Variants in IMMP2L observed in about 807,000 individuals in gnomAD.
The protein encoded by IMMP2L is inner mitochondrial membrane peptidase subunit 2.
A neutral mutation model predicts 19.3 loss-of-function variants in IMMP2L; 18 were observed. The ratio of observed to expected loss-of-function variants is 0.93; its 90% CI spans 0.64 to 1.38. The LOEUF is 1.38. IMMP2L is among the 40% of genes most tolerant of loss of function. IMMP2L has a pLI of 0.00. For missense variants in IMMP2L, 233 were observed against 218.2 expected (o/e 1.07, Z -0.43); for synonymous variants, 76 against 73.0 (o/e 1.04, Z -0.21).
In IMMP2L at chr7:111,539,188, GAAGGAGGGAGAAAGAAAGAA is replaced by G. The variant is rs1293678048; in HGVS notation, c.-2-17759_-2-17740del. Among the ~76,000 whole-genome samples, 619 of 69,016 alleles carry G rather than the reference GAAGGAGGGAGAAAGAAAGAA, an allele frequency of 9.0e-3. 50 individuals are homozygous for G. Among genetic ancestry groups the G allele is most frequent in the African/African-American group, 0.019 (267 of 14,198 alleles). The allele number at this position is 69,016 out of a possible 152,430, so 45.3% of individuals were successfully genotyped here. ...GGAAGGAAGGAAGGAAGGAAGGAAG[GAAGGAGGGAGAAAGAAAGAA>G]AGAAAGAAAGAAAGAAAGAAAGAAA... On this transcript the variant is annotated intron_variant, in intron 1 of 5. Transcript: ENST00000405709.
intron 4 of IMMP2L, among the ~76,000 whole-genome samples, chr7:110,907,055 G>T (rs1013606524): frequency 4.6e-5 from 7 of 151,998 alleles, no homozygotes; most frequent in African/African-American, 1.7e-4. Context: ...CAAGGGCAGT[G>T]GGGGGGATGG....
At chr7:111,119,164 G>C (rs1800270431) in intron 3 of IMMP2L, among the ~76,000 whole-genome samples, 1 of 152,110 alleles carries the variant, frequency 6.6e-6, no homozygotes, top group African/African-American at 2.4e-5. Context: ...CAGAAGTAAT[G>C]GTTTCTCCAT....
At chr7:111,436,347 G>A (rs982600483) in intron 3 of IMMP2L, among the ~76,000 whole-genome samples, 1 of 151,464 alleles carries the variant, frequency 6.6e-6, no homozygotes, top group Non-Finnish European at 1.5e-5. Flanking sequence ...ACATTGGGCT[G>A]GAAGGAAATA....
intron 3 of IMMP2L, among the ~76,000 whole-genome samples, chr7:111,132,336 C>T (rs1801926398): frequency 6.6e-6 from 1 of 151,936 alleles, no homozygotes; most frequent in African/African-American, 2.4e-5. Context: ...TTTCTCAGTC[C>T]ATTACAGGAA....
chr7:111,233,151 G>A (rs963619071), intron 3 of IMMP2L, among the ~76,000 whole-genome samples: 35 of 152,026 alleles, frequency 2.3e-4, no homozygotes, highest in African/African-American at 7.5e-4. Flanking sequence ...TCCAATGAAC[G>A]TAGATTACAT....
At chr7:111,065,168 A>C (rs1184814329) in intron 3 of IMMP2L, among the ~76,000 whole-genome samples, 1 of 152,190 alleles carries the variant, frequency 6.6e-6, no homozygotes, top group African/African-American at 2.4e-5. Flanking sequence ...ATGTTTGTGC[A>C]TGTATACACT....
intron 3 of IMMP2L, among the ~76,000 whole-genome samples, chr7:111,035,392 A>T (rs1372065527): frequency 6.6e-6 from 1 of 152,214 alleles, no homozygotes; most frequent in Non-Finnish European, 1.5e-5. Context: ...TCTAAACACA[A>T]ATATGGACAA....
chr7:110,684,938 T>C (rs947875539), intron 5 of IMMP2L, among the ~76,000 whole-genome samples: 6 of 152,108 alleles, frequency 3.9e-5, no homozygotes, highest in Admixed American at 1.3e-4. Flanking sequence ...GAAACAACAG[T>C]TCCAAATTTT....
At chr7:111,330,502 G>C (rs1172665021) in intron 3 of IMMP2L, among the ~76,000 whole-genome samples, 1 of 151,316 alleles carries the variant, frequency 6.6e-6, no homozygotes, top group Non-Finnish European at 1.5e-5. Flanking sequence ...CTAGCCACGG[G>C]GTGGGGGGAA....
intron 3 of IMMP2L, among the ~76,000 whole-genome samples, chr7:111,385,464 C>T (rs1476764800): frequency 6.6e-6 from 1 of 152,062 alleles, no homozygotes; most frequent in Non-Finnish European, 1.5e-5. Flanking sequence ...CTACCCTAGG[C>T]CGAAGTGAGT....
rs142920230 is a variant in IMMP2L at position 111,488,744 on chromosome 7, G to A, written c.136-1403C>T. Among the ~76,000 whole-genome samples the A allele has an allele frequency of 1.1e-3, 170 of 152,114 alleles. 1 individual carries two copies. Among genetic ancestry groups the A allele is most frequent in the Non-Finnish European group, 2.0e-3 (138 of 67,988 alleles). On this transcript the variant is annotated intron_variant, in intron 2 of 5. Transcript: ENST00000405709. The stretch of plus-strand genomic sequence containing the variant: ...ATTGCTAGGGACTGCTGGATCAAAC[G>A]GTTGATCGACTTTAGTTATTTAAGG...
At chr7:111,383,854 C>T (rs1355365232) in intron 3 of IMMP2L, among the ~76,000 whole-genome samples, 1 of 152,074 alleles carries the variant, frequency 6.6e-6, no homozygotes, top group South Asian at 2.1e-4. Flanking sequence ...CATGAATATT[C>T]AGTTTATATG....
At chr7:111,545,877 G>C (rs2613586) in intron 1 of IMMP2L, among the ~76,000 whole-genome samples, 120,891 of 152,032 alleles carry the variant, frequency 0.8, 49,962 homozygotes, top group East Asian at 0.97. Flanking sequence ...CTTCAGCTAC[G>C]AAGTTCCAAT....
At chr7:110,945,097 G>A (rs1391347877) in intron 4 of IMMP2L, among the ~76,000 whole-genome samples, 4 of 151,878 alleles carry the variant, frequency 2.6e-5, no homozygotes, top group South Asian at 4.1e-4. Context: ...TATGCAAAAC[G>A]TTACATAGCT....
At chr7:111,204,342 C>CA (rs1413675655) in intron 3 of IMMP2L, among the ~76,000 whole-genome samples, 2 of 151,924 alleles carry the variant, frequency 1.3e-5, no homozygotes, top group Non-Finnish European at 2.9e-5. Flanking sequence ...AAAACAACAA[C>CA]AAAAAAATCT....
chr7:111,274,004 AAGTCTT>A (rs1396453037), intron 3 of IMMP2L, among the ~76,000 whole-genome samples: 1 of 152,120 alleles, frequency 6.6e-6, no homozygotes. Flanking sequence ...ATAATTTTCA[AAGTCTT>A]TCATGGGAAG....
intron 5 of IMMP2L, among the ~76,000 whole-genome samples, chr7:110,835,973 C>G (rs537668569): frequency 1.1e-4 from 17 of 152,100 alleles, no homozygotes; most frequent in African/African-American, 4.1e-4. Context: ...GGGCAACACC[C>G]AATTGTTCAC....
chr7:110,903,982 ATT>A lies in IMMP2L; in HGVS notation c.306-17289_306-17288del, dbSNP rs58062442. ...ATTTCTCTGATTTGTGACATTAAGCATTTTTTTTTTCATGTAAGCGGTTTGCC... is the reference window on the plus strand; with the variant it reads ...ATTTCTCTGATTTGTGACATTAAGCATTTTTTTTCATGTAAGCGGTTTGCC... On this transcript the variant is annotated intron_variant, in intron 4 of 5. Coordinates refer to ENST00000405709, the MANE Select transcript of IMMP2L (RefSeq NM_032549.4). 3.3e-5 allele frequency among the ~76,000 whole-genome samples: 5 copies of A among 150,220 alleles called. 1 individual carries two copies. In the South Asian group the frequency reaches 8.4e-4, roughly 25 times the overall value.
In IMMP2L at chr7:110,870,523, T is replaced by C. The variant is rs913420410; in HGVS notation, c.408+16070A>G. On this transcript the variant is annotated intron_variant, in intron 5 of 5. Coordinates refer to ENST00000405709, the MANE Select transcript of IMMP2L (RefSeq NM_032549.4). The surrounding 1 kb of genome is among the most constrained non-coding windows in gnomAD (Gnocchi z 4.2). ...TGAATAAAGAAATAAAACAAGATAG[T>C]CATAGTAGCTAGAAGCAGGTGTGTG... 2.0e-5 allele frequency among the ~76,000 whole-genome samples: 3 copies of C among 152,030 alleles called. No homozygotes were observed. Among genetic ancestry groups the C allele is most frequent in the African/African-American group, 4.8e-5 (2 of 41,410 alleles).
Sources: gnomAD v4.1 joint callset for allele counts (sites outside exome capture counted in the v4.1 genomes callset) on GRCh38, gnomAD v4.1.1 for gene constraint, Gnocchi (gnomAD v3.1) non-coding constraint, MANE v1.5 for transcripts, NCBI Gene and HGNC (gene_info 2026-07-23, HGNC 2026-07-21) for gene names.